Variants in ANTXRL observed in about 807,000 individuals in gnomAD.
ANTXRL encodes anthrax toxin receptor-like.
A neutral mutation model predicts 75.4 loss-of-function variants in ANTXRL; 63 were observed. The ratio of observed to expected loss-of-function variants is 0.84; its 90% confidence interval spans 0.68 to 1.03. The LOEUF (loss-of-function observed/expected upper bound fraction) is 1.03. Among genes scored for constraint, ANTXRL ranks in the 50% least tolerant of loss-of-function variants. ANTXRL has a pLI of 0.00. For missense variants in ANTXRL, 797 were observed against 789.4 expected (o/e 1.01, Z -0.12); for synonymous variants, 335 against 291.3 (o/e 1.15, Z -1.53).
At chr10:46,291,941 C>G (rs1488094444) in intron 1 of ANTXRL, 117 bp from the exon 2 acceptor site, 1 of 894,178 alleles carries the variant, frequency 1.1e-6, no homozygotes, top group Non-Finnish European at 1.7e-6. Context: ...CCAGCCTCAG[C>G]TGTGCTGGGG....
At chr10:46,316,782 C>T (rs1291136898) in intron 16 of ANTXRL, among the ~76,000 whole-genome samples, 18 of 152,160 alleles carry the variant, frequency 1.2e-4, no homozygotes, top group Non-Finnish European at 2.5e-4. Context: ...AATGATGATG[C>T]TGATCAGAAA....
intron 9 of ANTXRL, among the ~76,000 whole-genome samples, chr10:46,299,602 G>A (rs1371021522): frequency 6.6e-6 from 1 of 152,170 alleles, no homozygotes; most frequent in South Asian, 2.1e-4. Flanking sequence ...GCTGGGCTCT[G>A]GCCTCCCTGT....
In ANTXRL at chr10:46,328,179, C is replaced by T. The variant is rs1320955941; in HGVS notation, c.1411-1420C>T. ...AGCTGGGAGCAAGGATAAGGGGCTT[C>T]CTGGAGGAGGCCACTCTGGAGCTGA... On this transcript the variant is annotated intron_variant, in intron 16 of 16. Coordinates refer to ENST00000620264, the MANE Select transcript of ANTXRL (RefSeq NM_001278688.3). Among the ~76,000 whole-genome samples the T allele has an allele frequency of 7.4e-4, 112 of 152,232 alleles. 1 individual carries two copies. The highest frequency in any genetic ancestry group is 2.8e-4 in the Non-Finnish European group (19 of 68,032).
chr10:46,304,412 T>G (rs1190764668), intron 10 of ANTXRL, among the ~76,000 whole-genome samples: 2 of 152,058 alleles, frequency 1.3e-5, no homozygotes, highest in African/African-American at 4.8e-5. Flanking sequence ...TAGGGAATTG[T>G]TTTAAGACCA....
chr10:46,293,486 GTGTT>G (rs1837161309), intron 2 of ANTXRL, among the ~76,000 whole-genome samples: 3 of 141,824 alleles, frequency 2.1e-5, no homozygotes, highest in Admixed American at 1.4e-4. Flanking sequence ...ATGTGTGTGG[GTGTT>G]TGTGTGGTGT....
intron 11 of ANTXRL, 81 bp from the exon 12 acceptor site, chr10:46,307,321 C>T: frequency 1.0e-6 from 1 of 1,004,460 alleles, no homozygotes; most frequent in Non-Finnish European, 1.5e-6. Flanking sequence ...GGGGAATGAC[C>T]TCTCATTACC....
chr10:46,293,139 G>A (rs1198540631), intron 2 of ANTXRL: 1 of 153,874 alleles, frequency 6.5e-6, no homozygotes, highest in Admixed American at 6.5e-5. Flanking sequence ...AGGTGCCTGA[G>A]TGTGGGTGCC....
chr10:46,291,887 A>G (rs1554956565), intron 1 of ANTXRL, among the ~76,000 whole-genome samples, 171 bp from the exon 2 acceptor site: 1 of 152,100 alleles, frequency 6.6e-6, no homozygotes, highest in Admixed American at 6.5e-5. Flanking sequence ...TCAACTGGTG[A>G]AACTCATGAC....
At chr10:46,289,185 CATTG>C (rs1836882070) in intron 1 of ANTXRL, among the ~76,000 whole-genome samples, 1 of 152,098 alleles carries the variant, frequency 6.6e-6, no homozygotes. Flanking sequence ...TTCACTTGTT[CATTG>C]ATTGGATTGA....
chr10:46,308,582 T>C, intron 12 of ANTXRL: 1 of 388,842 alleles, frequency 2.6e-6, no homozygotes, highest in Non-Finnish European at 5.2e-6. Context: ...TTATACCCCA[T>C]GTGGCCCTGG....
chr10:46,319,558 G>T (rs1401620575), intron 16 of ANTXRL, among the ~76,000 whole-genome samples: 1 of 152,154 alleles, frequency 6.6e-6, no homozygotes. Context: ...AGTCTAGGCA[G>T]CTCAACAGTG....
chr10:46,304,684 A>G (rs1165402560), intron 10 of ANTXRL, among the ~76,000 whole-genome samples: 2 of 152,146 alleles, frequency 1.3e-5, no homozygotes, highest in Admixed American at 6.5e-5. Flanking sequence ...CTCCATTTTA[A>G]TTCTGACAAC....
At chr10:46,316,910 A>G (rs550827871) in intron 16 of ANTXRL, among the ~76,000 whole-genome samples, 2 of 151,998 alleles carry the variant, frequency 1.3e-5, no homozygotes, top group Non-Finnish European at 2.9e-5. Context: ...TGTGCACATC[A>G]GGTGGATTGG....
rs1554964363 is a variant in ANTXRL, at chr10:46,314,769, G to GTA, written c.1410+1454_1410+1455insAT. Among the ~76,000 whole-genome samples, 5 of 151,394 alleles carry GTA rather than the reference G, an allele frequency of 3.3e-5. No individual in the cohort carries two copies. In the East Asian group the frequency reaches 1.1e-3, roughly 35 times the overall value. On this transcript the variant is annotated intron_variant, in intron 16 of 16. Transcript: ENST00000620264. Reference sequence around the variant, plus strand: ...TCTTGGAAAAGGAGAGACAATCCCTGTTTTACTAATGGCAAAATAGAGGCC... The same window carrying GTA: ...TCTTGGAAAAGGAGAGACAATCCCTGTATTTTACTAATGGCAAAATAGAGGCC...
At chr10:46,299,790 GGGCTGTGCAGGGACTGGCACAGGGCT>G (rs2132710826) in intron 9 of ANTXRL, among the ~76,000 whole-genome samples, 1 of 152,312 alleles carries the variant, frequency 6.6e-6, no homozygotes, top group African/African-American at 2.4e-5. Flanking sequence ...CAAAGGCACT[GGGCTGTGCAGGGACTGGCACAGGGCT>G]GGGAGCTGGC....
intron 10 of ANTXRL, among the ~76,000 whole-genome samples, chr10:46,304,756 A>G (rs1310022942): frequency 6.6e-6 from 1 of 152,148 alleles, no homozygotes; most frequent in Non-Finnish European, 1.5e-5. Context: ...AGGGCCATAC[A>G]GTCCATGTTG....
chr10:46,297,330 T>C lies in ANTXRL; in HGVS notation c.585+2T>C. 1 of 1,536,306 alleles carries C rather than the reference T, an allele frequency of 6.5e-7. No homozygotes were observed. Among genetic ancestry groups the C allele is most frequent in the Non-Finnish European group, 8.7e-7 (1 of 1,146,718 alleles). ...GCATTTCAGGACACTCTCAGAGAAG[T>C]GAGTCCAGTTCATACTTACCAGCAT... On this transcript the variant is annotated splice_donor_variant, in intron 6 of 16. Transcript: ENST00000620264. LOFTEE classifies it high-confidence loss of function.
chr10:46,290,141 A>G (rs1836924733), intron 1 of ANTXRL, among the ~76,000 whole-genome samples: 2 of 141,430 alleles, frequency 1.4e-5, no homozygotes, highest in South Asian at 4.4e-4. Context: ...TCCCAGTTTC[A>G]AGCGATTCTC....
At position 46,287,243 on chromosome 10, in the gene ANTXRL, G is replaced by A; in HGVS notation, c.-20G>A. ...CACAGGCACCCAAGAGTGAGGTGGG[G>A]TCACAGGGACAGCCAGATAATGGGG... On this transcript the variant is annotated 5_prime_UTR_variant, in exon 1 of 17. Transcript: ENST00000620264. 6.5e-7 allele frequency: 1 copy of A among 1,534,566 alleles called. No homozygotes were observed. The highest frequency in any genetic ancestry group is 8.7e-7 in the Non-Finnish European group (1 of 1,146,246).
Sources: gnomAD v4.1 joint callset for allele counts (sites outside exome capture counted in the v4.1 genomes callset) on GRCh38, gnomAD v4.1.1 for gene constraint, MANE v1.5 for transcripts, NCBI Gene and HGNC (gene_info 2026-07-23, HGNC 2026-07-21) for gene names.